SLC1A3: variants seen among roughly 807,000 people sequenced by gnomAD.
The protein encoded by SLC1A3 is solute carrier family 1 member 3, also known as excitatory amino acid transporter 1.
SLC1A3 carries 21 observed loss-of-function variants against 48.1 expected under a neutral mutation model. The ratio of observed to expected loss-of-function variants is 0.44; its 90% confidence interval spans 0.31 to 0.63. SLC1A3 has a LOEUF of 0.63. Among genes scored for constraint, SLC1A3 ranks in the 20% least tolerant of loss-of-function variants. The pLI, the probability that SLC1A3 is intolerant of heterozygous loss-of-function variation, is 0.08. For missense variants in SLC1A3, 546 were observed against 689.0 expected (o/e 0.79, Z 2.32); for synonymous variants, 239 against 251.4 (o/e 0.95, Z 0.47).
intron 2 of SLC1A3, 96 bp from the exon 3 acceptor site, chr5:36,629,354 C>T: frequency 3.7e-6 from 4 of 1,076,044 alleles, no homozygotes; most frequent in Non-Finnish European, 5.5e-6. Flanking sequence ...ATAAATACAA[C>T]CACCAGCCAA....
At chr5:36,637,359 A>G (rs138322649) in intron 3 of SLC1A3, among the ~76,000 whole-genome samples, 2 of 152,336 alleles carry the variant, frequency 1.3e-5, no homozygotes, top group African/African-American at 4.8e-5. Context: ...TCTTCAATTA[A>G]AAGATCAGTA....
In SLC1A3 at chr5:36,679,943, T is replaced by C. The variant is rs905580340; in HGVS notation, c.1094+83T>C. The C allele has an allele frequency of 3.3e-6, 3 of 913,174 alleles. No individual in the cohort carries two copies. In the African/African-American group the frequency reaches 4.9e-5, roughly 15 times the overall value. The allele number at this position is 913,174 out of a possible 1,614,324, so 56.6% of individuals were successfully genotyped here. A position where few individuals can be genotyped will look rare whatever the true frequency, so the allele number is the denominator to read the frequency against. Reference sequence around the variant, plus strand: ...AAGTAGGGTGTAGGAGAAGCCATTTTATTCTGAGTTTTAAACTTCCAAGAA... The same window carrying C: ...AAGTAGGGTGTAGGAGAAGCCATTTCATTCTGAGTTTTAAACTTCCAAGAA... On this transcript the variant is annotated intron_variant, in intron 7 of 9. Coordinates refer to ENST00000265113, the MANE Select transcript of SLC1A3 (RefSeq NM_004172.5).
At chr5:36,609,502 C>G (rs1460575108) in intron 2 of SLC1A3, among the ~76,000 whole-genome samples, 2 of 152,168 alleles carry the variant, frequency 1.3e-5, no homozygotes, top group Non-Finnish European at 2.9e-5. Context: ...GTTTTAATCT[C>G]TACTTTGGAG....
At chr5:36,670,584 C>A (rs1243872282) in intron 3 of SLC1A3, among the ~76,000 whole-genome samples, 1 of 152,060 alleles carries the variant, frequency 6.6e-6, no homozygotes, top group African/African-American at 2.4e-5. Flanking sequence ...TGTGAATCAC[C>A]AGAGTGCTTG....
At chr5:36,658,778 C>T (rs1304719875) in intron 3 of SLC1A3, among the ~76,000 whole-genome samples, 1 of 152,168 alleles carries the variant, frequency 6.6e-6, no homozygotes, top group African/African-American at 2.4e-5. Context: ...CTAGGGATTA[C>T]CCATGGCCTT....
At chr5:36,678,580 A>C (rs1456581002) in intron 6 of SLC1A3, among the ~76,000 whole-genome samples, 1 of 152,208 alleles carries the variant, frequency 6.6e-6, no homozygotes, top group Non-Finnish European at 1.5e-5. Flanking sequence ...TTTCGATTTG[A>C]AACAAGTCCT....
intron 3 of SLC1A3, among the ~76,000 whole-genome samples, chr5:36,656,379 G>T (rs981934910): frequency 6.6e-6 from 1 of 152,132 alleles, no homozygotes; most frequent in African/African-American, 2.4e-5. Flanking sequence ...CCCCTGATGT[G>T]GTATGTGGCC....
At chr5:36,603,368 G>T (rs1579932960), upstream of SLC1A3, among the ~76,000 whole-genome samples, 1 of 152,226 alleles carries the variant, frequency 6.6e-6, no homozygotes, top group East Asian at 1.9e-4. Context: ...GTTGGGCCCT[G>T]TCCTGGCCCA....
intron 3 of SLC1A3, among the ~76,000 whole-genome samples, chr5:36,650,100 C>T (rs1740999808): frequency 6.6e-6 from 1 of 152,154 alleles, no homozygotes; most frequent in Non-Finnish European, 1.5e-5. Context: ...GTTTTGGGGA[C>T]ATCCAAGTCT....
Position 36,679,840 on chromosome 5 carries a change from C to T in SLC1A3, c.1074C>T (p.Thr358=), listed in dbSNP as rs147973032. 2,023 of 1,613,354 alleles carry T rather than the reference C, an allele frequency of 1.3e-3. No individual in the cohort carries two copies. Among genetic ancestry groups the T allele is most frequent in the Non-Finnish European group, 1.6e-3 (1,933 of 1,179,302 alleles). ...GAGGGTTGCTGCAAGCACTCATCACCGCTCTGGGGACCTCTTCAAGGTATG... is the reference window on the plus strand; with the variant it reads ...GAGGGTTGCTGCAAGCACTCATCACTGCTCTGGGGACCTCTTCAAGGTATG... ...FIGGLLQALI[T]ALGTSSSSAT... Residue 358 remains threonine (T), a synonymous_variant, in exon 7 of 10, where the codon ACC becomes ACT. Coordinates refer to ENST00000265113, the MANE Select transcript of SLC1A3 (RefSeq NM_004172.5).
intron 8 of SLC1A3, among the ~76,000 whole-genome samples, chr5:36,681,070 A>C (rs1312172077): frequency 6.6e-6 from 1 of 152,214 alleles, no homozygotes; most frequent in African/African-American, 2.4e-5. Context: ...TACACTCATT[A>C]ATAACAAGGT....
At chr5:36,681,079 G>A (rs1053765816) in intron 8 of SLC1A3, among the ~76,000 whole-genome samples, 6 of 152,056 alleles carry the variant, frequency 3.9e-5, no homozygotes, top group African/African-American at 1.2e-4. Context: ...TAATAACAAG[G>A]TTCAAAAAAT....
intron 2 of SLC1A3, among the ~76,000 whole-genome samples, chr5:36,624,296 T>G (rs1372026993): frequency 1.3e-5 from 2 of 152,198 alleles, no homozygotes; most frequent in Non-Finnish European, 2.9e-5. Context: ...CAAAATATTG[T>G]GTACCCATTT....
chr5:36,654,366 A>C (rs1342905360), intron 3 of SLC1A3, among the ~76,000 whole-genome samples: 1 of 152,220 alleles, frequency 6.6e-6, no homozygotes, highest in Non-Finnish European at 1.5e-5. Context: ...GTCCCTGCTC[A>C]TCGATATCCC....
intron 5 of SLC1A3, among the ~76,000 whole-genome samples, chr5:36,675,621 G>A (rs1235228309): frequency 1.3e-5 from 2 of 152,186 alleles, no homozygotes; most frequent in African/African-American, 4.8e-5. Flanking sequence ...AAGAAAGCCT[G>A]ATCAGGATTG....
chr5:36,623,917 T>C (rs1269966518), intron 2 of SLC1A3, among the ~76,000 whole-genome samples: 1 of 151,890 alleles, frequency 6.6e-6, no homozygotes, highest in African/African-American at 2.4e-5. Context: ...TACGTCTCCT[T>C]GGTCGGAAAG....
At chr5:36,683,444 C>T (rs546945321) in intron 8 of SLC1A3, among the ~76,000 whole-genome samples, 3 of 151,770 alleles carry the variant, frequency 2.0e-5, no homozygotes, top group Non-Finnish European at 4.4e-5. Context: ...CATGATGGCT[C>T]ATGCCGGTAA....
intron 3 of SLC1A3, among the ~76,000 whole-genome samples, chr5:36,646,242 A>T (rs967784175): frequency 1.3e-5 from 2 of 152,220 alleles, no homozygotes; most frequent in African/African-American, 2.4e-5. Context: ...GACGAAGGAC[A>T]ATCTGGAATT....
intron 3 of SLC1A3, among the ~76,000 whole-genome samples, chr5:36,645,553 G>A (rs1740808532): frequency 2.0e-5 from 3 of 151,766 alleles, no homozygotes; most frequent in African/African-American, 7.3e-5. Flanking sequence ...TTGAACTCCT[G>A]ACCTTGTGAT....
Sources: allele counts gnomAD v4.1 joint callset (sites outside exome capture counted in the v4.1 genomes callset), GRCh38; gene constraint gnomAD v4.1.1; transcripts MANE v1.5; gene names NCBI Gene and HGNC (gene_info 2026-07-23, HGNC 2026-07-21).